CNTNAP5: variants seen among roughly 807,000 people sequenced by gnomAD.
CNTNAP5 encodes contactin-associated protein-like 5.
Under a neutral mutation model 150.2 loss-of-function variants are expected in CNTNAP5, and 72 were observed. The ratio of observed to expected loss-of-function variants is 0.48; its 90% CI spans 0.40 to 0.58. The LOEUF (loss-of-function observed/expected upper bound fraction) is 0.58, where lower values mean the gene tolerates loss of function less well. CNTNAP5 is among the 20% of genes least tolerant of loss of function. The pLI is 0.00. For missense variants in CNTNAP5, 1,636 were observed against 1,626.2 expected (o/e 1.01, Z -0.10); for synonymous variants, 672 against 619.8 (o/e 1.08, Z -1.25).
At chr2:124,542,567 TC>T (rs1309617419) in intron 10 of CNTNAP5, among the ~76,000 whole-genome samples, 1 of 151,974 alleles carries the variant, frequency 6.6e-6, no homozygotes, top group Non-Finnish European at 1.5e-5. Flanking sequence ...GGAGCTCCCT[TC>T]CCAGTTTCTT....
chr2:124,884,829 T>G (rs188284078), intron 21 of CNTNAP5, among the ~76,000 whole-genome samples: 3 of 152,094 alleles, frequency 2.0e-5, no homozygotes, highest in Non-Finnish European at 1.5e-5. Context: ...TCATAGCACT[T>G]CTTTATTCAT....
chr2:124,380,428 T>G (rs1285487974), intron 3 of CNTNAP5, among the ~76,000 whole-genome samples: 2 of 152,294 alleles, frequency 1.3e-5, no homozygotes. Flanking sequence ...CATAATGCAT[T>G]TGTACTCTGG....
intron 1 of CNTNAP5, among the ~76,000 whole-genome samples, chr2:124,137,918 C>T (rs540907611): frequency 6.6e-6 from 1 of 152,164 alleles, no homozygotes; most frequent in African/African-American, 2.4e-5. Flanking sequence ...CAAGGAGATG[C>T]CCTGCACATG....
chr2:124,408,791 C>A (rs1330817840), intron 3 of CNTNAP5, among the ~76,000 whole-genome samples: 2 of 152,016 alleles, frequency 1.3e-5, no homozygotes, highest in Non-Finnish European at 2.9e-5. Context: ...GGGGAAAAAA[C>A]AGAACAGAAA....
At position 124,679,628 on chromosome 2, in the gene CNTNAP5, T is replaced by G. The variant is rs551765931; in HGVS notation, c.2077+31670T>G. On this transcript the variant is annotated intron_variant, in intron 13 of 23. Transcript: ENST00000682447. ...AGGGTCTCTGTCATTCAGGTTGGAGTGCAGTGATGCAATCACTGCAGCCTC... is the reference window on the plus strand; with the variant it reads ...AGGGTCTCTGTCATTCAGGTTGGAGGGCAGTGATGCAATCACTGCAGCCTC... Among the ~76,000 whole-genome samples the G allele has an allele frequency of 2.0e-5, 3 of 151,416 alleles. No individual in the cohort carries two copies. In the South Asian group the frequency reaches 6.3e-4, roughly 32 times the overall value.
chr2:124,551,833 A>G (rs1299309261), intron 10 of CNTNAP5, among the ~76,000 whole-genome samples: 1 of 152,190 alleles, frequency 6.6e-6, no homozygotes, highest in Non-Finnish European at 1.5e-5. Context: ...TTAACAGGGA[A>G]GAAAAATTAT....
chr2:124,693,489 A>T (rs1679340733), intron 13 of CNTNAP5, among the ~76,000 whole-genome samples: 1 of 152,148 alleles, frequency 6.6e-6, no homozygotes, highest in South Asian at 2.1e-4. Context: ...TAACAGTCAG[A>T]CCTACTGGGA....
chr2:124,142,019 A>C (rs1684124085), intron 1 of CNTNAP5, among the ~76,000 whole-genome samples: 1 of 147,662 alleles, frequency 6.8e-6, no homozygotes, highest in Non-Finnish European at 1.5e-5. Context: ...ACTTTAAACC[A>C]ACAAAGATCA....
intron 6 of CNTNAP5, among the ~76,000 whole-genome samples, chr2:124,450,168 C>T (rs1310657393): frequency 1.3e-5 from 2 of 151,836 alleles, no homozygotes; most frequent in African/African-American, 4.8e-5. Flanking sequence ...GGACAACAGT[C>T]GTGTCTTTGT....
chr2:124,759,384 AT>A (rs1459498880), intron 14 of CNTNAP5, among the ~76,000 whole-genome samples: 3 of 146,732 alleles, frequency 2.0e-5, no homozygotes, highest in South Asian at 2.1e-4. Flanking sequence ...TATTATATAT[AT>A]ATAAATTATA....
rs751560819 is a variant in CNTNAP5 at position 124,527,286 on chromosome 2, G to C, written c.1479G>C (p.Gly493=). The change falls in exon 10 of 24, where the codon GGG becomes GGC. Residue 493 remains glycine, a splice_region_variant and synonymous_variant. Coordinates refer to ENST00000682447, the MANE Select transcript of CNTNAP5 (RefSeq NM_001367498.1). ...TCATCTTTTTTCTCTGTCCCACAGG[G>C]TGCCCCGACAATCTCACCGATTCCC... ...IYSGNSYYFG[G]CPDNLTDSQC... is the part of the protein sequence containing the mutation. The C allele has an allele frequency of 6.2e-7, 1 of 1,612,414 alleles. No homozygotes were observed. Among genetic ancestry groups the C allele is most frequent in the South Asian group, 1.1e-5 (1 of 90,932 alleles).
chr2:124,567,886 G>C (rs74979430), intron 11 of CNTNAP5, among the ~76,000 whole-genome samples: 2 of 141,682 alleles, frequency 1.4e-5, no homozygotes, highest in East Asian at 3.9e-4. Context: ...GATAGATATA[G>C]ATAGATAGAT....
intron 19 of CNTNAP5, among the ~76,000 whole-genome samples, chr2:124,825,415 C>A (rs1239347827): frequency 2.0e-5 from 3 of 152,182 alleles, no homozygotes; most frequent in African/African-American, 7.2e-5. Context: ...TAAACTGACT[C>A]TCCCTCAAGA....
rs556782122 is a variant in CNTNAP5, at chr2:124,525,761, T to A, written c.1477+1309T>A. On this transcript the variant is annotated intron_variant, in intron 9 of 23. Coordinates refer to ENST00000682447, the MANE Select transcript of CNTNAP5 (RefSeq NM_001367498.1). ...ATACACGTCCAGTCTCTGCAAAAGTTTTTATGACTTAACCTCATTTAATTC... is the reference window on the plus strand; with the variant it reads ...ATACACGTCCAGTCTCTGCAAAAGTATTTATGACTTAACCTCATTTAATTC... 1.1e-3 allele frequency among the ~76,000 whole-genome samples: 164 copies of A among 152,286 alleles called. 1 individual carries two copies. The highest frequency in any genetic ancestry group is 3.9e-3 in the African/African-American group (161 of 41,564).
intron 3 of CNTNAP5, among the ~76,000 whole-genome samples, chr2:124,378,891 G>A (rs1341672967): frequency 6.6e-6 from 1 of 152,112 alleles, no homozygotes; most frequent in South Asian, 2.1e-4. Context: ...CATGGAACAA[G>A]TTCACTTTGC....
chr2:124,813,442 C>T (rs1248163579), intron 19 of CNTNAP5, among the ~76,000 whole-genome samples: 1 of 151,500 alleles, frequency 6.6e-6, no homozygotes, highest in East Asian at 2.0e-4. Flanking sequence ...CTAACTCATC[C>T]ATTCCCATTT....
intron 13 of CNTNAP5, among the ~76,000 whole-genome samples, chr2:124,697,164 C>T (rs972416700): frequency 6.6e-6 from 1 of 151,986 alleles, no homozygotes; most frequent in South Asian, 2.1e-4. Context: ...TATGGAGTTC[C>T]CATATACACT....
intron 12 of CNTNAP5, among the ~76,000 whole-genome samples, chr2:124,614,881 T>C (rs1014960435): frequency 2.0e-5 from 3 of 152,124 alleles, no homozygotes. Flanking sequence ...CAGTCCCTAT[T>C]CAAGACGGAG....
intron 7 of CNTNAP5, among the ~76,000 whole-genome samples, chr2:124,485,631 A>AAAAAAAAAAAAAAAAAG (rs1457112306): frequency 7.5e-6 from 1 of 134,202 alleles, no homozygotes; most frequent in African/African-American, 3.1e-5. Context: ...AAAAAAAAAA[A>AAAAAAAAAAAAAAAAAG]AAAGAAGAAG....
Sources: gnomAD v4.1 joint callset for allele counts (sites outside exome capture counted in the v4.1 genomes callset) on GRCh38, gnomAD v4.1.1 for gene constraint, MANE v1.5 for transcripts, NCBI Gene and HGNC (gene_info 2026-07-23, HGNC 2026-07-21) for gene names.